Variants in HNF1B observed in about 807,000 individuals in gnomAD.
The protein encoded by HNF1B is HNF1 homeobox B, also known as hepatocyte nuclear factor 1-beta.
HNF1B carries 8 observed loss-of-function variants against 61.7 expected under a neutral mutation model. That is an observed-to-expected ratio of 0.13 (90% CI 0.08 to 0.23). HNF1B has a LOEUF of 0.23. HNF1B is among the 10% of genes least tolerant of loss of function. HNF1B has a pLI of 1.00. For missense variants in HNF1B, 562 were observed against 714.5 expected, an observed-to-expected ratio of 0.79 and a Z score of 2.43; for synonymous variants, 314 against 287.7, an observed-to-expected ratio of 1.09 and a Z score of -0.93.
In HNF1B at chr17:37,709,498, C is replaced by T. The variant is rs189216626; in HGVS notation, c.1206+1005G>A. Among the ~76,000 whole-genome samples, 270 of 152,098 alleles carry T rather than the reference C, an allele frequency of 1.8e-3. 1 individual carries two copies. The highest frequency in any genetic ancestry group is 6.3e-3 in the African/African-American group (262 of 41,484). On this transcript the variant is annotated intron_variant, in intron 5 of 8. Transcript: ENST00000617811. Reference sequence around the variant, plus strand: ...TCAAACTTTCTGGCCTCAAGTGATCCACCTGCCTCAGTCTCCCCAAGTGCT... The same window carrying T: ...TCAAACTTTCTGGCCTCAAGTGATCTACCTGCCTCAGTCTCCCCAAGTGCT...
chr17:37,710,032 C>T (rs897693422), intron 5 of HNF1B, among the ~76,000 whole-genome samples: 1 of 152,202 alleles, frequency 6.6e-6, no homozygotes, highest in African/African-American at 2.4e-5. Context: ...TTCTCCCCAT[C>T]GCCTCCTATC....
intron 1 of HNF1B, among the ~76,000 whole-genome samples, chr17:37,743,048 G>C (rs1456717029): frequency 6.6e-6 from 1 of 152,158 alleles, no homozygotes; most frequent in Non-Finnish European, 1.5e-5. Context: ...AACTCCACGT[G>C]CTGCAGTTTA....
chr17:37,739,707 G>A lies in HNF1B; in HGVS notation c.345-68C>T, dbSNP rs537449255. 6 of 1,365,710 alleles carry A rather than the reference G, an allele frequency of 4.4e-6. No homozygotes were observed. In the South Asian group the frequency reaches 7.4e-5, roughly 17 times the overall value. 84.6% of individuals were successfully genotyped at this position (1,365,710 alleles called of 1,614,324 possible). A position where few individuals can be genotyped will look rare whatever the true frequency, so the allele number is the denominator to read the frequency against. The stretch of plus-strand genomic sequence containing the variant: ...CTGGGGAGAAACATTCTTTTTCTAG[G>A]GGGTGCTACCTATGGTCTATGCAAA... On this transcript the variant is annotated intron_variant, in intron 1 of 8. Coordinates refer to ENST00000617811, the MANE Select transcript of HNF1B (RefSeq NM_000458.4).
At chr17:37,721,080 G>A in intron 4 of HNF1B, 4 of 383,394 alleles carry the variant, frequency 1.0e-5, no homozygotes, top group African/African-American at 2.2e-5. Flanking sequence ...TCCAATGGGT[G>A]CCAAGCAGGA....
intron 2 of HNF1B, among the ~76,000 whole-genome samples, chr17:37,734,157 G>C (rs1381240802): frequency 6.6e-6 from 1 of 152,328 alleles, no homozygotes; most frequent in Non-Finnish European, 1.5e-5. Context: ...TCCTGTATTT[G>C]ATGTCAAGTG....
rs1347858100 is a variant in HNF1B, at chr17:37,744,570, C to A, written c.315G>T (p.Glu105Asp). ...LQALNTEEAA[E>D]QRAEVDRMLS... is the part of the protein sequence containing the mutation. ...GCATCCGGTCCACCTCCGCCCGCTGCTCCGCCGCCTCCTCGGTGTTGAGCG... is the reference window on the plus strand; with the variant it reads ...GCATCCGGTCCACCTCCGCCCGCTGATCCGCCGCCTCCTCGGTGTTGAGCG... The change falls in exon 1 of 9, where the codon GAG becomes GAT. Residue 105 changes from glutamate (E) to aspartate (D), a missense_variant. Physicochemically the swap from Glu to Asp is conservative, Grantham distance 45 (BLOSUM62 2). Coordinates refer to ENST00000617811, the MANE Select transcript of HNF1B (RefSeq NM_000458.4). 3 of 1,605,472 alleles carry A rather than the reference C, an allele frequency of 1.9e-6. No individual in the cohort carries two copies. In the South Asian group the frequency reaches 3.3e-5, roughly 18 times the overall value.
At position 37,720,758 on chromosome 17, in the gene HNF1B, G is replaced by C. The variant is rs960464566; in HGVS notation, c.1046-10095C>G. On this transcript the variant is annotated intron_variant, in intron 4 of 8. Transcript: ENST00000617811. ...TACCTCAGGCTCAGATGTTGGTACA[G>C]CCCACAATTCTGCCACTCAGAATAC... 3.0e-6 allele frequency: 3 copies of C among 983,752 alleles called. No homozygotes were observed. The African/African-American group carries it at 5.2e-5, about 17-fold the overall frequency. 60.9% of individuals were successfully genotyped at this position (983,752 alleles called of 1,614,324 possible).
chr17:37,693,751 G>C (rs945354724), intron 8 of HNF1B, among the ~76,000 whole-genome samples: 1 of 152,228 alleles, frequency 6.6e-6, no homozygotes, highest in Non-Finnish European at 1.5e-5. Context: ...ACCCAGTGTT[G>C]GAGGTAAGGC....
At chr17:37,735,961 C>T (rs1237289286) in intron 2 of HNF1B, among the ~76,000 whole-genome samples, 1 of 152,144 alleles carries the variant, frequency 6.6e-6, no homozygotes, top group Non-Finnish European at 1.5e-5. Context: ...GACGGGGTCT[C>T]GCTATGTTGC....
At chr17:37,738,498 G>A (rs1011231085) in intron 2 of HNF1B, among the ~76,000 whole-genome samples, 1 of 152,178 alleles carries the variant, frequency 6.6e-6, no homozygotes. Context: ...TAAAGACAGA[G>A]AAGCCTAGAT....
At position 37,704,965 on chromosome 17, in the gene HNF1B, G is replaced by C; in HGVS notation, c.1291C>G (p.Gln431Glu). 4 of 1,614,138 alleles carry C rather than the reference G, an allele frequency of 2.5e-6. No individual in the cohort carries two copies. Among genetic ancestry groups the C allele is most frequent in the Non-Finnish European group, 3.4e-6 (4 of 1,180,018 alleles). Residue 431 changes from glutamine (Q) to glutamate (E), a missense_variant, in exon 6 of 9, where the codon CAA (glutamine) becomes GAA (glutamate). Around this residue, in one of 6 missense-constraint regions of HNF1B, gnomAD observed 211 missense variants for 200.7 expected, o/e 1.05. Transcript: ENST00000617811. ...GAGAGGGGTGTCATGATGAGGTTTTGAGATTGCTGGGGATTATGGTGGGAG... is the reference window on the plus strand; with the variant it reads ...GAGAGGGGTGTCATGATGAGGTTTTCAGATTGCTGGGGATTATGGTGGGAG... ...SLSHHNPQQS[Q>E]NLIMTPLSGV...
In HNF1B at chr17:37,739,468, G is replaced by A. The variant is rs764561297; in HGVS notation, c.516C>T (p.Tyr172=). The change falls in exon 2 of 9, where the codon TAC becomes TAT. Residue 172 remains tyrosine (Y), a synonymous_variant. Coordinates refer to ENST00000617811, the MANE Select transcript of HNF1B (RefSeq NM_000458.4). ...TQKRAALYTW[Y]VRKQREILRQ... ...GGAGGATCTCTCGTTGCTTTCTGAC[G>A]TACCAGGTGTACAGAGCGGCACGCT... The A allele has an allele frequency of 1.5e-5, 24 of 1,614,006 alleles. No individual in the cohort carries two copies. The highest frequency in any genetic ancestry group is 4.5e-5 in the East Asian group (2 of 44,888).
Position 37,686,641 on chromosome 17 carries a change from T to C in HNF1B, c.*731A>G, listed in dbSNP as rs550259561. The C allele has an allele frequency of 2.5e-5, 4 of 157,556 alleles. No homozygotes were observed. In the South Asian group the frequency reaches 7.4e-4, roughly 29 times the overall value. 9.8% of individuals were successfully genotyped at this position (157,556 alleles called of 1,614,324 possible). ...TGTCTTAATGTCAGGAGACTGGAGTTAGCTGGTAGTCAGTCCAAGGTATGC... is the reference window on the plus strand; with the variant it reads ...TGTCTTAATGTCAGGAGACTGGAGTCAGCTGGTAGTCAGTCCAAGGTATGC... On this transcript the variant is annotated 3_prime_UTR_variant, in exon 9 of 9. Transcript: ENST00000617811.
At chr17:37,709,044 C>T (rs1211692865) in intron 5 of HNF1B, among the ~76,000 whole-genome samples, 1 of 152,118 alleles carries the variant, frequency 6.6e-6, no homozygotes, top group Non-Finnish European at 1.5e-5. Context: ...TGTGCAGCTC[C>T]ACCTTCAGCA....
At chr17:37,713,550 A>G (rs755395696) in intron 4 of HNF1B, among the ~76,000 whole-genome samples, 7 of 152,238 alleles carry the variant, frequency 4.6e-5, no homozygotes, top group Non-Finnish European at 1.0e-4. Flanking sequence ...GCTCTGTCAA[A>G]AGACAGATGA....
intron 2 of HNF1B, among the ~76,000 whole-genome samples, chr17:37,736,007 T>C (rs1283938818): frequency 6.6e-6 from 1 of 152,220 alleles, no homozygotes; most frequent in Non-Finnish European, 1.5e-5. Context: ...TCAAGCAGTC[T>C]TCCCGCCACC....
chr17:37,700,722 G>A (rs1260090285), intron 7 of HNF1B, among the ~76,000 whole-genome samples: 1 of 152,148 alleles, frequency 6.6e-6, no homozygotes, highest in Non-Finnish European at 1.5e-5. Flanking sequence ...ATGCTGTCTG[G>A]CTCCAATTCC....
At chr17:37,697,076 CA>C (rs1215472673) in intron 8 of HNF1B, among the ~76,000 whole-genome samples, 1 of 152,190 alleles carries the variant, frequency 6.6e-6, no homozygotes, top group Non-Finnish European at 1.5e-5. Context: ...TATGTGGAGT[CA>C]AAGACCAAAG....
chr17:37,701,403 G>A (rs2032566968), intron 6 of HNF1B, among the ~76,000 whole-genome samples: 1 of 152,228 alleles, frequency 6.6e-6, no homozygotes, highest in Non-Finnish European at 1.5e-5. Context: ...AAACAGATCT[G>A]ATTAAAGCCT....
Sources: allele counts gnomAD v4.1 joint callset (sites outside exome capture counted in the v4.1 genomes callset), GRCh38; gene constraint gnomAD v4.1.1; regional missense constraint gnomAD v4.1.1; transcripts MANE v1.5; gene names NCBI Gene and HGNC (gene_info 2026-07-23, HGNC 2026-07-21).